The following POLDIP2 variants were observed in gnomAD, a reference collection of about 807,000 sequenced individuals.
The protein encoded by POLDIP2 is polymerase delta-interacting protein 2.
In POLDIP2, 32 loss-of-function variants were observed where a neutral mutation model predicts 52.9. The ratio of observed to expected loss-of-function variants is 0.61; its 90% CI spans 0.46 to 0.81. The LOEUF is 0.81. POLDIP2 is among the 40% of genes least tolerant of loss of function. The pLI is 0.00. For synonymous variants in POLDIP2, 183 were observed against 183.0 expected, an observed-to-expected ratio of 1.00 and a Z score of 0.00; for missense variants, 371 against 477.3, an observed-to-expected ratio of 0.78 and a Z score of 2.07.
Position 28,355,884 on chromosome 17 carries a change from G to C in POLDIP2, c.162-8C>G. ...TTGCCCTCTGGTCGGTTTCTGAGTA[G>C]GAAGGAAAAGAACAAGCAACAGAAA... On this transcript the variant is annotated splice_polypyrimidine_tract_variant and splice_region_variant and intron_variant, in intron 1 of 10. Transcript: ENST00000540200. 6.2e-7 allele frequency: 1 copy of C among 1,606,550 alleles called. No individual in the cohort carries two copies. The highest frequency in any genetic ancestry group is 1.3e-5 in the African/African-American group (1 of 74,828).
Position 28,351,929 on chromosome 17 carries a change from A to G in POLDIP2, c.623-129T>C. 3 of 799,948 alleles carry G rather than the reference A, an allele frequency of 3.8e-6. No homozygotes were observed. The African/African-American group carries it at 5.1e-5, about 14-fold the overall frequency. 49.6% of individuals were successfully genotyped at this position (799,948 alleles called of 1,614,324 possible). On this transcript the variant is annotated intron_variant, in intron 6 of 10. Coordinates refer to ENST00000540200, the MANE Select transcript of POLDIP2 (RefSeq NM_015584.5). The stretch of plus-strand genomic sequence containing the variant: ...CTCCCTAGTGGTGGCCCAGGCAAAC[A>G]AGGTGCTCATACATGAAGCAAAAGT...
rs71135829 is a variant in POLDIP2, at chr17:28,353,520, C to CAAAAAAAAAAAAAA, written c.438+161_438+174dup. On this transcript the variant is annotated intron_variant, in intron 4 of 10. Transcript: ENST00000540200. Reference sequence around the variant, plus strand: ...CTGGCGACAGAGTGAGACTCCATATCAAAAAAAAAAAAAAAGACGTGAATC... The same window carrying CAAAAAAAAAAAAAA: ...CTGGCGACAGAGTGAGACTCCATATCAAAAAAAAAAAAAAAAAAAAAAAAAAAAAGACGTGAATC... Among the ~76,000 whole-genome samples, 119 of 54,760 alleles carry CAAAAAAAAAAAAAA rather than the reference C, an allele frequency of 2.2e-3. 26 individuals carry two copies. The East Asian group carries it at 0.051, about 23-fold the overall frequency. The allele number at this position is 54,760 out of a possible 152,430, so 35.9% of individuals were successfully genotyped here.
At position 28,350,491 on chromosome 17, in the gene POLDIP2, A is replaced by G; in HGVS notation, c.859T>C (p.Phe287Leu). Residue 287 changes from phenylalanine to leucine, a missense_variant, in exon 9 of 11, where the codon TTC (phenylalanine) becomes CTC (leucine). Coordinates refer to ENST00000540200, the MANE Select transcript of POLDIP2 (RefSeq NM_015584.5). ...GTCTCCAAGGTGCCAGAGAGACTGA[A>G]TATCCTCCAGTGCCGCTCCCGGAGC... Reference protein sequence around the residue: ...VQLRERHWRIFSLSGTLETVR... With the variant: ...VQLRERHWRILSLSGTLETVR... 1 of 1,613,322 alleles carries G rather than the reference A, an allele frequency of 6.2e-7. No homozygotes were observed. Among genetic ancestry groups the G allele is most frequent in the Non-Finnish European group, 8.5e-7 (1 of 1,179,608 alleles).
chr17:28,348,225 C>T lies in POLDIP2; in HGVS notation c.999G>A (p.Thr333=), dbSNP rs782008444. 13 of 1,610,748 alleles carry T rather than the reference C, an allele frequency of 8.1e-6. No homozygotes were observed. The highest frequency in any genetic ancestry group is 1.7e-4 in the Middle Eastern group (1 of 6,044). Residue 333 remains threonine (T), a synonymous_variant, in exon 11 of 11, where the codon ACG becomes ACA. Transcript: ENST00000540200. ...LQASSGHMWG[T]FRFERPDGSH... is the part of the protein sequence containing the mutation. Reference sequence around the variant, plus strand: ...AGCCATCAGGTCTTTCAAAGCGGAACGTGCCCCTACAGTCAGAAAGAAGCT... The same window carrying T: ...AGCCATCAGGTCTTTCAAAGCGGAATGTGCCCCTACAGTCAGAAAGAAGCT...
At chr17:28,356,574 G>C (rs1325839124) in intron 1 of POLDIP2, among the ~76,000 whole-genome samples, 2 of 152,086 alleles carry the variant, frequency 1.3e-5, no homozygotes, top group Non-Finnish European at 2.9e-5. Context: ...TTCTCACAGG[G>C]GTCTTAAATT....
In POLDIP2 at chr17:28,353,794, A is replaced by G. The variant is rs1555580486; in HGVS notation, c.342-3T>C. The G allele has an allele frequency of 5.6e-6, 9 of 1,603,294 alleles. No individual in the cohort carries two copies. Among genetic ancestry groups the G allele is most frequent in the Non-Finnish European group, 6.8e-6 (8 of 1,170,452 alleles). On this transcript the variant is annotated splice_polypyrimidine_tract_variant and splice_region_variant and intron_variant, in intron 3 of 10. Transcript: ENST00000540200. ...CATGGCCAGCAGGGTTCTCTGCTCTATGGGGTGGGAGAAGGAGGCCAAGAT... is the reference window on the plus strand; with the variant it reads ...CATGGCCAGCAGGGTTCTCTGCTCTGTGGGGTGGGAGAAGGAGGCCAAGAT...
intron 9 of POLDIP2, 123 bp from the exon 10 acceptor site, chr17:28,349,285 G>T: frequency 3.1e-6 from 2 of 644,544 alleles, no homozygotes; most frequent in Non-Finnish European, 5.5e-6. Flanking sequence ...CACCACCACA[G>T]CAGGCACTCC....
In POLDIP2 at chr17:28,349,066, T is replaced by C. The variant is rs1555579429; in HGVS notation, c.992+17A>G. 6.3e-7 allele frequency: 1 copy of C among 1,593,130 alleles called. No homozygotes were observed. The highest frequency in any genetic ancestry group is 1.1e-5 in the South Asian group (1 of 90,186). ...TGTGGAGCTGGGTGGCCCCTACTGCTGTGCACACTCACTCACCACATGTGC... is the reference window on the plus strand; with the variant it reads ...TGTGGAGCTGGGTGGCCCCTACTGCCGTGCACACTCACTCACCACATGTGC... On this transcript the variant is annotated intron_variant, in intron 10 of 10. Transcript: ENST00000540200.
chr17:28,357,067 C>G (rs78773897), intron 1 of POLDIP2, among the ~76,000 whole-genome samples: 21 of 152,376 alleles, frequency 1.4e-4, no homozygotes, highest in East Asian at 5.8e-4. Flanking sequence ...CTGTTCCCCC[C>G]CAGGGCCAGC....
Position 28,351,461 on chromosome 17 carries a change from A to G in POLDIP2, c.759+203T>C, listed in dbSNP as rs549152783. On this transcript the variant is annotated intron_variant, in intron 7 of 10. Coordinates refer to ENST00000540200, the MANE Select transcript of POLDIP2 (RefSeq NM_015584.5). ...GATAAAGGATTCCTTCCTGGGACCTATGAGTTTTCCTGCCCGCTCTAGGTC... is the reference window on the plus strand; with the variant it reads ...GATAAAGGATTCCTTCCTGGGACCTGTGAGTTTTCCTGCCCGCTCTAGGTC... Among the ~76,000 whole-genome samples the G allele has an allele frequency of 1.8e-4, 27 of 152,278 alleles. 1 individual carries two copies. The highest frequency in any genetic ancestry group is 6.3e-4 in the African/African-American group (26 of 41,554).
At chr17:28,354,942 A>G (rs1907957955) in intron 2 of POLDIP2, among the ~76,000 whole-genome samples, 1 of 152,206 alleles carries the variant, frequency 6.6e-6, no homozygotes, top group African/African-American at 2.4e-5. Flanking sequence ...CCTAATGCAC[A>G]ATGCCTAGTC....
rs370217239 is a variant in POLDIP2, at chr17:28,355,858, T to C, written c.180A>G (p.Lys60=). 5 of 1,612,860 alleles carry C rather than the reference T, an allele frequency of 3.1e-6. No individual in the cohort carries two copies. Among genetic ancestry groups the C allele is most frequent in the Non-Finnish European group, 4.2e-6 (5 of 1,179,466 alleles). Residue 60 remains lysine, a synonymous_variant, in exon 2 of 11, where the codon AAA becomes AAG. Coordinates refer to ENST00000540200, the MANE Select transcript of POLDIP2 (RefSeq NM_015584.5). Reference sequence around the variant, plus strand: ...CAAACACACCAACTGTCTCCAACACTTTGCCCTCTGGTCGGTTTCTGAGTA... The same window carrying C: ...CAAACACACCAACTGTCTCCAACACCTTGCCCTCTGGTCGGTTTCTGAGTA... ...HLSSRNRPEG[K]VLETVGVFEV... is the part of the protein sequence containing the mutation.
intron 8 of POLDIP2, 28 bp from the exon 9 acceptor site, chr17:28,350,591 A>T (rs1907759786): frequency 1.9e-6 from 3 of 1,590,310 alleles, no homozygotes; most frequent in Non-Finnish European, 8.6e-7. Context: ...GAGAGAGTTT[A>T]AAAAAAATAA....
chr17:28,350,471 C>T lies in POLDIP2; in HGVS notation c.879G>A (p.Leu293=). The part of the protein sequence containing the change: ...HWRIFSLSGT[L]ETVRGRGVVG... ...CTACCCCTCGGCCTCGCACTGTCTC[C>T]AAGGTGCCAGAGAGACTGAATATCC... Residue 293 remains leucine, a synonymous_variant, in exon 9 of 11, where the codon TTG becomes TTA. Coordinates refer to ENST00000540200, the MANE Select transcript of POLDIP2 (RefSeq NM_015584.5). 6.2e-7 allele frequency: 1 copy of T among 1,612,446 alleles called. No individual in the cohort carries two copies. Among genetic ancestry groups the T allele is most frequent in the Non-Finnish European group, 8.5e-7 (1 of 1,179,224 alleles).
At chr17:28,351,205 G>GAAGAAAA (rs1555579893) in intron 7 of POLDIP2, among the ~76,000 whole-genome samples, 11 of 152,128 alleles carry the variant, frequency 7.2e-5, no homozygotes, top group Non-Finnish European at 1.5e-4. Context: ...TGGAAGACAG[G>GAAGAAAA]GACGGTGTTT....
intron 6 of POLDIP2, 96 bp downstream of exon 6, chr17:28,352,816 G>A (rs1408607346): frequency 1.3e-6 from 1 of 743,742 alleles, no homozygotes; most frequent in East Asian, 2.7e-5. Flanking sequence ...TGGGATTACA[G>A]GCGTGAGCCA....
intron 3 of POLDIP2, 92 bp downstream of exon 3, chr17:28,354,396 G>A: frequency 2.3e-6 from 2 of 873,290 alleles, no homozygotes; most frequent in Non-Finnish European, 3.8e-6. Flanking sequence ...CAAGGCCTAG[G>A]AGGACGCTGT....
chr17:28,350,933 A>C, intron 7 of POLDIP2, 141 bp from the exon 8 acceptor site: 1 of 743,424 alleles, frequency 1.3e-6, no homozygotes, highest in Non-Finnish European at 2.3e-6. Context: ...TAAGGGTGAT[A>C]GCTGAACCAT....
intron 4 of POLDIP2, 47 bp downstream of exon 4, chr17:28,353,648 A>C: frequency 7.6e-7 from 1 of 1,313,544 alleles, no homozygotes; most frequent in Non-Finnish European, 1.1e-6. Flanking sequence ...GGGATGCAGG[A>C]CTTTCCATGG....
Sources: allele counts gnomAD v4.1 joint callset (sites outside exome capture counted in the v4.1 genomes callset), GRCh38; gene constraint gnomAD v4.1.1; transcripts MANE v1.5; gene names NCBI Gene and HGNC (gene_info 2026-07-23, HGNC 2026-07-21).